Variants in MTA3 observed in about 807,000 individuals in gnomAD.
The protein encoded by MTA3 is metastasis associated 1 family member 3.
Under a neutral mutation model 83.5 loss-of-function variants are expected in MTA3, and 34 were observed. The ratio of observed to expected loss-of-function variants is 0.41; its 90% CI spans 0.31 to 0.54. The LOEUF is 0.54. Ranked by LOEUF, MTA3 falls within the 20% of genes least tolerant of loss-of-function variation. The pLI is 0.33. For synonymous variants in MTA3, 303 were observed against 252.7 expected (o/e 1.20, Z -1.89); for missense variants, 761 against 726.4 (o/e 1.05, Z -0.55).
At chr2:42,555,590 C>A (rs1677344463) in intron 2 of MTA3, among the ~76,000 whole-genome samples, 2 of 145,648 alleles carry the variant, frequency 1.4e-5, no homozygotes, top group Admixed American at 1.4e-4. Flanking sequence ...GAAACCCCAT[C>A]TCTACTAAAA....
At chr2:42,528,537 A>G (rs1675821285) in intron 2 of MTA3, among the ~76,000 whole-genome samples, 1 of 152,186 alleles carries the variant, frequency 6.6e-6, no homozygotes, top group Non-Finnish European at 1.5e-5. Context: ...TAATTTCTAA[A>G]TGGCATGTGT....
chr2:42,619,249 A>T (rs1333696864), intron 4 of MTA3, among the ~76,000 whole-genome samples: 2 of 152,186 alleles, frequency 1.3e-5, no homozygotes, highest in East Asian at 3.9e-4. Flanking sequence ...CAGAGTGGTG[A>T]CTCAGAAAGA....
chr2:42,747,898 T>G (rs1395157597), intron 16 of MTA3, among the ~76,000 whole-genome samples: 1 of 152,046 alleles, frequency 6.6e-6, no homozygotes, highest in Non-Finnish European at 1.5e-5. Flanking sequence ...ATAAACTTAA[T>G]CATCACCCCC....
rs1408172177 is a variant in MTA3 at position 42,708,888 on chromosome 2, A to T, written c.1317A>T (p.Arg439Ser). The part of the protein sequence containing the change: ...PSPTTEDPRV[R>S]SHVSRQAMQG... The stretch of plus-strand genomic sequence containing the variant: ...TGATTTTGCAGGACCCTCGTGTTAG[A>T]AGTCACGTGTCCCGCCAGGCCATGC... The change falls in exon 14 of 17, where the codon AGA (arginine) becomes AGT (serine). Residue 439 changes from arginine to serine, a missense_variant. Coordinates refer to ENST00000405094, the MANE Select transcript of MTA3 (RefSeq NM_001330442.2). 6.2e-7 allele frequency: 1 copy of T among 1,613,966 alleles called. No individual in the cohort carries two copies. Among genetic ancestry groups the T allele is most frequent in the Non-Finnish European group, 8.5e-7 (1 of 1,179,874 alleles).
intron 5 of MTA3, among the ~76,000 whole-genome samples, chr2:42,643,041 C>T (rs369386477): frequency 2.0e-5 from 3 of 146,540 alleles, no homozygotes; most frequent in Non-Finnish European, 3.0e-5. Context: ...GTCTCCCCCC[C>T]CCCCCTTTTT....
intron 2 of MTA3, among the ~76,000 whole-genome samples, chr2:42,572,541 C>T (rs1387641750): frequency 6.6e-6 from 1 of 151,894 alleles, no homozygotes; most frequent in African/African-American, 2.4e-5. Context: ...CATCACTGCA[C>T]TCCAGCCTGG....
At chr2:42,642,644 G>GGT (rs1687796275) in intron 5 of MTA3, among the ~76,000 whole-genome samples, 1 of 135,752 alleles carries the variant, frequency 7.4e-6, no homozygotes, top group African/African-American at 2.7e-5. Flanking sequence ...TGTTAAGTTG[G>GGT]TTTTTTTTTT....
At chr2:42,721,305 G>A (rs905350472) in intron 15 of MTA3, among the ~76,000 whole-genome samples, 6 of 151,284 alleles carry the variant, frequency 4.0e-5, no homozygotes, top group Admixed American at 2.6e-4. Flanking sequence ...TTGGAGGAAG[G>A]ACTGTTCTTT....
At chr2:42,656,135 C>T (rs1689155017) in intron 6 of MTA3, 65 bp from the exon 7 acceptor site, 21 of 1,194,148 alleles carry the variant, frequency 1.8e-5, no homozygotes, top group Non-Finnish European at 3.7e-6. Context: ...TGACAGTTGT[C>T]ATCAGTGGTA....
At chr2:42,544,109 G>A (rs1676647314) in intron 2 of MTA3, among the ~76,000 whole-genome samples, 1 of 152,124 alleles carries the variant, frequency 6.6e-6, no homozygotes, top group Non-Finnish European at 1.5e-5. Context: ...ACAGCAGAAT[G>A]TCCAGATGTC....
At chr2:42,621,341 G>T (rs1685519192) in intron 4 of MTA3, among the ~76,000 whole-genome samples, 1 of 152,118 alleles carries the variant, frequency 6.6e-6, no homozygotes, top group African/African-American at 2.4e-5. Flanking sequence ...CTCTTAACGA[G>T]CATGCTGCCT....
chr2:42,754,225 C>A lies in MTA3; in HGVS notation c.*826C>A. On this transcript the variant is annotated 3_prime_UTR_variant, in exon 17 of 17. Coordinates refer to ENST00000405094, the MANE Select transcript of MTA3 (RefSeq NM_001330442.2). ...CTGCCCTGTTCCCTTGCAGCCAAAC[C>A]AGCTGATGAAGAACTGCTGCCAGGT... The A allele has an allele frequency of 1.0e-6, 1 of 985,498 alleles. No individual in the cohort carries two copies. The highest frequency in any genetic ancestry group is 1.2e-6 in the Non-Finnish European group (1 of 829,978). 61.0% of individuals were successfully genotyped at this position (985,498 alleles called of 1,614,324 possible).
chr2:42,621,792 G>A (rs1361786019), intron 4 of MTA3, among the ~76,000 whole-genome samples: 1 of 152,004 alleles, frequency 6.6e-6, no homozygotes, highest in Non-Finnish European at 1.5e-5. Flanking sequence ...CGGCTGGGCA[G>A]AGACGCTCCT....
intron 2 of MTA3, among the ~76,000 whole-genome samples, chr2:42,559,519 A>AT (rs200312245): frequency 2.0e-5 from 3 of 149,358 alleles, no homozygotes; most frequent in Non-Finnish European, 4.4e-5. Flanking sequence ...AAAAAAAAAA[A>AT]TTTTGTTTTC....
intron 2 of MTA3, among the ~76,000 whole-genome samples, chr2:42,576,849 A>T (rs1040499445): frequency 6.6e-6 from 1 of 152,144 alleles, no homozygotes; most frequent in Non-Finnish European, 1.5e-5. Context: ...GTGAGCTGAG[A>T]TCGTGCCATT....
At chr2:42,563,693 C>T (rs1410326629), upstream of MTA3, among the ~76,000 whole-genome samples, 5 of 152,096 alleles carry the variant, frequency 3.3e-5, no homozygotes, top group Non-Finnish European at 7.3e-5. Context: ...GTCTCGATCT[C>T]CTGACGTCAT....
At chr2:42,687,812 G>A (rs560697121) in intron 9 of MTA3, among the ~76,000 whole-genome samples, 1 of 152,138 alleles carries the variant, frequency 6.6e-6, no homozygotes, top group Non-Finnish European at 1.5e-5. Context: ...TGCTGGCCCA[G>A]TTTGTTGGCA....
intron 3 of MTA3, among the ~76,000 whole-genome samples, chr2:42,600,463 C>T (rs150540056): frequency 6.7e-4 from 102 of 152,000 alleles, no homozygotes; most frequent in African/African-American, 2.2e-3. Context: ...AAAAAGGTTA[C>T]ATCCTATAGT....
intron 2 of MTA3, among the ~76,000 whole-genome samples, chr2:42,562,167 TC>T (rs1260715430): frequency 2.0e-5 from 3 of 152,190 alleles, no homozygotes; most frequent in African/African-American, 7.2e-5. Context: ...AGGACACATG[TC>T]ATTAGACTTA....
Sources: gnomAD v4.1 joint callset for allele counts (sites outside exome capture counted in the v4.1 genomes callset) on GRCh38, gnomAD v4.1.1 for gene constraint, MANE v1.5 for transcripts, NCBI Gene and HGNC (gene_info 2026-07-23, HGNC 2026-07-21) for gene names.